The following APP variants were observed in gnomAD, a reference collection of about 807,000 sequenced individuals.
The protein encoded by APP is amyloid beta precursor protein, also known as amyloid-beta precursor protein.
APP carries 31 observed loss-of-function variants against 101.4 expected under a neutral mutation model. That is an observed-to-expected ratio of 0.31 (90% CI 0.23 to 0.41). The LOEUF is 0.41. APP is among the 10% of genes least tolerant of loss of function. APP has a pLI of 1.00. For synonymous variants in APP, 366 were observed against 364.4 expected, an observed-to-expected ratio of 1.00 and a Z score of -0.05; for missense variants, 839 against 1,003.7, an observed-to-expected ratio of 0.84 and a Z score of 2.22.
chr21:25,886,828 C>T (rs2037359228), intron 17 of APP, among the ~76,000 whole-genome samples: 1 of 152,150 alleles, frequency 6.6e-6, no homozygotes, highest in Non-Finnish European at 1.5e-5. Context: ...CCACTCTCTC[C>T]AACTACTCTA....
intron 13 of APP, among the ~76,000 whole-genome samples, chr21:25,949,515 G>A (rs1347789829): frequency 1.3e-5 from 2 of 152,168 alleles, no homozygotes; most frequent in Admixed American, 6.5e-5. Context: ...AGGAGTTTTG[G>A]TCAGGTCTTT....
chr21:25,977,164 C>T (rs1365289041), intron 9 of APP, among the ~76,000 whole-genome samples: 1 of 152,164 alleles, frequency 6.6e-6, no homozygotes. Flanking sequence ...ACCTGGATTT[C>T]CCTGAGAGAA....
chr21:26,117,025 A>G (rs1402969854), intron 1 of APP, among the ~76,000 whole-genome samples: 1 of 152,170 alleles, frequency 6.6e-6, no homozygotes, highest in East Asian at 1.9e-4. Context: ...CTGGGACTAC[A>G]GGCCTGTGCC....
chr21:25,915,843 C>A (rs552118499), intron 13 of APP, among the ~76,000 whole-genome samples: 24 of 152,310 alleles, frequency 1.6e-4, no homozygotes, highest in Admixed American at 5.9e-4. Flanking sequence ...TAGAAAAGTT[C>A]CTCCAAATGG....
At chr21:26,014,859 C>A (rs2043982775) in intron 6 of APP, among the ~76,000 whole-genome samples, 1 of 152,204 alleles carries the variant, frequency 6.6e-6, no homozygotes, top group Non-Finnish European at 1.5e-5. Context: ...TTTATCATCA[C>A]ATGAGACGGT....
intron 16 of APP, among the ~76,000 whole-genome samples, chr21:25,895,999 A>C (rs1448807032): frequency 6.6e-6 from 1 of 152,168 alleles, no homozygotes; most frequent in Non-Finnish European, 1.5e-5. Flanking sequence ...CGTTAGTGTA[A>C]TTGTGGGGAT....
rs543411963 is a variant in APP at position 26,054,767 on chromosome 21, A to C, written c.356-1419T>G. Among the ~76,000 whole-genome samples, 3 of 152,064 alleles carry C rather than the reference A, an allele frequency of 2.0e-5. No individual in the cohort carries two copies. In the South Asian group the frequency reaches 6.2e-4, roughly 32 times the overall value. ...AACATGCAAGAATAGACATAAACCC[A>C]CAACTCCCACGGAGCAAGGAATACA... On this transcript the variant is annotated intron_variant, in intron 3 of 17. Coordinates refer to ENST00000346798, the MANE Select transcript of APP (RefSeq NM_000484.4).
intron 5 of APP, among the ~76,000 whole-genome samples, chr21:26,046,446 C>G: frequency 6.7e-6 from 1 of 148,974 alleles, no homozygotes; most frequent in Admixed American, 6.7e-5. Context: ...AAAAAAAAAA[C>G]TCTTCCAAGT....
intron 1 of APP, among the ~76,000 whole-genome samples, chr21:26,163,464 G>T (rs1453524154): frequency 3.3e-5 from 5 of 151,948 alleles, no homozygotes; most frequent in Admixed American, 6.6e-5. Flanking sequence ...TACAAAACAG[G>T]CTTATTCATC....
In APP at chr21:25,939,306, C is replaced by G. The variant is rs529621602; in HGVS notation, c.1687+15284G>C. ...GAGATCTAGAAAGCAAAACCTGTCTCACATTTGCATACAATATTAGACTTA... is the reference window on the plus strand; with the variant it reads ...GAGATCTAGAAAGCAAAACCTGTCTGACATTTGCATACAATATTAGACTTA... On this transcript the variant is annotated intron_variant, in intron 13 of 17. Transcript: ENST00000346798. 3.8e-4 allele frequency among the ~76,000 whole-genome samples: 58 copies of G among 152,320 alleles called. No homozygotes were observed. The South Asian group carries it at 0.012, about 30-fold the overall frequency.
chr21:25,921,567 A>T (rs940760247), intron 13 of APP, among the ~76,000 whole-genome samples: 1 of 147,034 alleles, frequency 6.8e-6, no homozygotes, highest in Non-Finnish European at 1.5e-5. Flanking sequence ...CCACAGAAAT[A>T]CAAACTACCA....
intron 5 of APP, among the ~76,000 whole-genome samples, chr21:26,029,725 G>A (rs1358944602): frequency 6.6e-6 from 1 of 152,110 alleles, no homozygotes; most frequent in Non-Finnish European, 1.5e-5. Context: ...ACTGCAACCC[G>A]CAACTTGTTC....
At chr21:25,905,967 G>A (rs1311785490) in intron 14 of APP, among the ~76,000 whole-genome samples, 1 of 151,876 alleles carries the variant, frequency 6.6e-6, no homozygotes, top group Non-Finnish European at 1.5e-5. Context: ...GGTAGGTGCA[G>A]GGGGAAGCTG....
At chr21:25,982,771 CAGTT>C (rs2042484459) in intron 8 of APP, among the ~76,000 whole-genome samples, 2 of 152,136 alleles carry the variant, frequency 1.3e-5, no homozygotes, top group South Asian at 4.1e-4. Flanking sequence ...AGAGCAAAAA[CAGTT>C]GGTGCTGAAG....
At position 25,905,015 on chromosome 21, in the gene APP, T is replaced by C; in HGVS notation, c.1963+9A>G. 6.2e-7 allele frequency: 1 copy of C among 1,613,534 alleles called. No individual in the cohort carries two copies. Among genetic ancestry groups the C allele is most frequent in the Non-Finnish European group, 8.5e-7 (1 of 1,179,678 alleles). On this transcript the variant is annotated intron_variant, in intron 15 of 17. Transcript: ENST00000346798. ...ATGCGGAGAGGCACAAGTCAAGCGG[T>C]TCTGATACCTGGTCGAGTGGTCAGT...
chr21:25,896,300 T>G (rs550064319), intron 16 of APP, among the ~76,000 whole-genome samples: 1 of 152,292 alleles, frequency 6.6e-6, no homozygotes, highest in South Asian at 2.1e-4. Flanking sequence ...CTACAATTAT[T>G]TGGAGTCAAG....
At chr21:26,106,630 C>T (rs2298323) in intron 2 of APP, among the ~76,000 whole-genome samples, 3,977 of 152,240 alleles carry the variant, frequency 0.026, 138 homozygotes, top group East Asian at 0.16. Flanking sequence ...GTCTGAGCCA[C>T]GGAGCTCGGC....
At chr21:26,076,429 G>GA (rs1190237815) in intron 3 of APP, among the ~76,000 whole-genome samples, 1 of 152,112 alleles carries the variant, frequency 6.6e-6, no homozygotes, top group East Asian at 1.9e-4. Flanking sequence ...ACTATTCAGG[G>GA]AACATGAGTC....
intron 2 of APP, among the ~76,000 whole-genome samples, chr21:26,100,319 C>T (rs549915290): frequency 6.6e-6 from 1 of 152,256 alleles, no homozygotes; most frequent in South Asian, 2.1e-4. Flanking sequence ...CTGATCCCTC[C>T]ATTCAAAAAC....
Sources: gnomAD v4.1 joint callset for allele counts (sites outside exome capture counted in the v4.1 genomes callset) on GRCh38, gnomAD v4.1.1 for gene constraint, MANE v1.5 for transcripts, NCBI Gene and HGNC (gene_info 2026-07-23, HGNC 2026-07-21) for gene names.